TMEM67: variants seen among roughly 807,000 people sequenced by gnomAD.
TMEM67 encodes the protein meckelin.
TMEM67 carries 124 observed loss-of-function variants against 136.6 expected under a neutral mutation model. The ratio of observed to expected loss-of-function variants is 0.91; its 90% CI spans 0.78 to 1.05. The LOEUF (loss-of-function observed/expected upper bound fraction) is 1.05. Ranked by LOEUF, TMEM67 falls within the 50% of genes least tolerant of loss-of-function variation. The pLI is 0.00. For missense variants in TMEM67, 1,107 were observed against 1,178.4 expected (o/e 0.94, Z 0.89); for synonymous variants, 364 against 390.5 (o/e 0.93, Z 0.80).
intron 20 of TMEM67, 32 bp from the exon 21 acceptor site, chr8:93,799,586 G>C (rs201722699): frequency 2.5e-6 from 4 of 1,611,092 alleles, no homozygotes; most frequent in Middle Eastern, 1.7e-4. Context: ...ATCCATGTCC[G>C]TTTAAATTAC....
intron 7 of TMEM67, among the ~76,000 whole-genome samples, chr8:93,773,568 T>G (rs894627815): frequency 6.6e-6 from 1 of 152,184 alleles, no homozygotes; most frequent in African/African-American, 2.4e-5. Context: ...TTTGAAGATT[T>G]AGCTGACAGA....
intron 21 of TMEM67, 65 bp from the exon 22 acceptor site, chr8:93,803,539 T>C (rs1814959120): frequency 9.4e-7 from 1 of 1,061,562 alleles, no homozygotes; most frequent in African/African-American, 1.6e-5. Flanking sequence ...GATGCTACAC[T>C]GTGGCTGTAA....
At position 93,770,020 on chromosome 8, in the gene TMEM67, A is replaced by G. The variant is rs1018244574; in HGVS notation, c.652-2569A>G. 8.5e-5 allele frequency among the ~76,000 whole-genome samples: 13 copies of G among 152,318 alleles called. 1 individual carries two copies. The highest frequency in any genetic ancestry group is 7.2e-4 in the Admixed American group (11 of 15,292). On this transcript the variant is annotated intron_variant, in intron 6 of 27. Transcript: ENST00000453321. ...CAATCAGAAAAAAATTTTCACATAC[A>G]TGAGTTAGTGTCTCCCCATTCCCTT...
chr8:93,763,475 T>C (rs2130574141), intron 3 of TMEM67, among the ~76,000 whole-genome samples: 1 of 152,310 alleles, frequency 6.6e-6, no homozygotes, highest in East Asian at 1.9e-4. Flanking sequence ...ATCAGTAATC[T>C]ATGAAAATAC....
intron 18 of TMEM67, 127 bp from the exon 19 acceptor site, chr8:93,797,007 T>A (rs1362177899): frequency 1.4e-6 from 1 of 690,026 alleles, no homozygotes. Flanking sequence ...TATAACTTCA[T>A]GTGAATTCAC....
intron 3 of TMEM67, among the ~76,000 whole-genome samples, chr8:93,760,706 A>G (rs576618772): frequency 6.6e-6 from 1 of 151,916 alleles, no homozygotes; most frequent in South Asian, 2.1e-4. Context: ...GAAAAACCAC[A>G]GAAGAAAAAA....
Position 93,775,021 on chromosome 8 carries a change from G to A in TMEM67, c.714+2370G>A, listed in dbSNP as rs554407223. On this transcript the variant is annotated intron_variant, in intron 7 of 27. Transcript: ENST00000453321. ...CTCCATGTCCTCTCCAGCATCTGTT[G>A]TTTCCTAACTTTTTAATGATCACCA... is the stretch of plus-strand genomic sequence containing the variant. 2.6e-5 allele frequency among the ~76,000 whole-genome samples: 4 copies of A among 152,226 alleles called. No individual in the cohort carries two copies. In the South Asian group the frequency reaches 8.3e-4, roughly 32 times the overall value.
chr8:93,812,081 G>C (rs183014178), intron 26 of TMEM67, among the ~76,000 whole-genome samples: 7 of 151,522 alleles, frequency 4.6e-5, no homozygotes, highest in African/African-American at 1.5e-4. Flanking sequence ...CCCAGGAAGC[G>C]GAGGTTGTGG....
At chr8:93,827,773 T>A in the TMEM67 span, among the ~76,000 whole-genome samples, 499 of 151,672 alleles carry the variant, frequency 3.3e-3, 4 homozygotes, top group Non-Finnish European at 4.1e-3. Context: ...TCTTTTTTTT[T>A]TTTACTATGG....
chr8:93,791,315 C>G lies in TMEM67; in HGVS notation c.1571C>G (p.Thr524Arg). Reference sequence around the variant, plus strand: ...GATCATGGAGAAGCACATGTCCAGACAGATGTAAGTTTATTTTAACCTTTT... The same window carrying G: ...GATCATGGAGAAGCACATGTCCAGAGAGATGTAAGTTTATTTTAACCTTTT... ...EMDHGEAHVQTDIALGVLGGL... is the reference protein window; with the variant it reads ...EMDHGEAHVQRDIALGVLGGL... The change falls in exon 15 of 28, where the codon ACA becomes AGA. Residue 524 changes from threonine to arginine, a missense_variant. Physicochemically the swap from Thr to Arg is moderately conservative, Grantham distance 71. Transcript: ENST00000453321. 6.3e-7 allele frequency: 1 copy of G among 1,591,938 alleles called. No individual in the cohort carries two copies. Among genetic ancestry groups the G allele is most frequent in the Non-Finnish European group, 8.6e-7 (1 of 1,160,696 alleles).
At chr8:93,800,655 T>C (rs1204432295) in intron 21 of TMEM67, among the ~76,000 whole-genome samples, 4 of 152,202 alleles carry the variant, frequency 2.6e-5, no homozygotes, top group Admixed American at 1.3e-4. Context: ...TGAAGTCATG[T>C]GACTAGTAAC....
chr8:93,801,173 T>C (rs969250278), intron 21 of TMEM67, among the ~76,000 whole-genome samples: 1 of 152,144 alleles, frequency 6.6e-6, no homozygotes, highest in Non-Finnish European at 1.5e-5. Flanking sequence ...TAACTTCCTA[T>C]AGCTGGCTAA....
intron 16 of TMEM67, among the ~76,000 whole-genome samples, chr8:93,794,387 G>A (rs1814516772): frequency 6.6e-6 from 1 of 152,024 alleles, no homozygotes; most frequent in Admixed American, 6.6e-5. Flanking sequence ...TATTTACCAT[G>A]TACCAGGCAC....
chr8:93,830,765 T>C, the TMEM67 span, among the ~76,000 whole-genome samples: 1 of 152,242 alleles, frequency 6.6e-6, no homozygotes, highest in African/African-American at 2.4e-5. Context: ...CCAGCTTCTG[T>C]AGACTCAGCT....
In TMEM67 at chr8:93,791,333, A is replaced by T. The variant is rs1814366223; in HGVS notation, c.1575+14A>T. 6.5e-7 allele frequency: 1 copy of T among 1,549,978 alleles called. No individual in the cohort carries two copies. The highest frequency in any genetic ancestry group is 1.4e-5 in the African/African-American group (1 of 73,564). On this transcript the variant is annotated intron_variant, in intron 15 of 27. Transcript: ENST00000453321. ...GTCCAGACAGATGTAAGTTTATTTT[A>T]ACCTTTTAAAATATATACAGTGTAT...
chr8:93,795,124 A>T (rs1814548417), intron 16 of TMEM67: 2 of 488,106 alleles, frequency 4.1e-6, no homozygotes, highest in South Asian at 4.5e-5. Context: ...AGAGGGGAGG[A>T]TTCCCAACTA....
In TMEM67 at chr8:93,785,358, A is replaced by G. The variant is rs1387487808; in HGVS notation, c.1268A>G (p.Asn423Ser). 3.7e-6 allele frequency: 6 copies of G among 1,612,620 alleles called. No individual in the cohort carries two copies. The highest frequency in any genetic ancestry group is 4.5e-5 in the East Asian group (2 of 44,732). Reference protein sequence around the residue: ...VPVLNLNLQHNKIFVNQDSNS... With the variant: ...VPVLNLNLQHSKIFVNQDSNS... ...GTGTTAAACCTAAATCTTCAACATA[A>G]TAAGATATTTGTGAACCAAGGTAAG... is the stretch of plus-strand genomic sequence containing the variant. Residue 423 changes from asparagine to serine, a missense_variant, in exon 12 of 28, where the codon AAT (asparagine) becomes AGT (serine). By Grantham distance (46) the Asn-to-Ser change is conservative. Coordinates refer to ENST00000453321, the MANE Select transcript of TMEM67 (RefSeq NM_153704.6).
rs1219503748 is a variant in TMEM67, at chr8:93,786,308, G to A, written c.1374G>A (p.Gln458=). The change falls in exon 13 of 28, where the codon CAG becomes CAA. Residue 458 remains glutamine, a synonymous_variant. Coordinates refer to ENST00000453321, the MANE Select transcript of TMEM67 (RefSeq NM_153704.6). ...VSGRENDLGT[Q]PRVIRVATQI... is the part of the protein sequence containing the mutation. ...GACGAGAAAATGACTTAGGAACTCA[G>A]CCAAGAGTAATTCGAGTTGCTACTC... 1 of 1,613,884 alleles carries A rather than the reference G, an allele frequency of 6.2e-7. No homozygotes were observed. The highest frequency in any genetic ancestry group is 1.3e-5 in the African/African-American group (1 of 74,906).
At chr8:93,759,739 C>T (rs753206912) in intron 3 of TMEM67, 5 of 265,462 alleles carry the variant, frequency 1.9e-5, no homozygotes, top group Non-Finnish European at 3.6e-5. Context: ...CAACCTCCCT[C>T]TCAGGTTCAA....
Sources: gnomAD v4.1 joint callset for allele counts (sites outside exome capture counted in the v4.1 genomes callset) on GRCh38, gnomAD v4.1.1 for gene constraint, MANE v1.5 for transcripts, NCBI Gene and HGNC (gene_info 2026-07-23, HGNC 2026-07-21) for gene names.